The following ZNF618 variants were observed in gnomAD, a reference collection of about 807,000 sequenced individuals.
ZNF618 encodes zinc finger protein 618.
In ZNF618, 34 loss-of-function variants were observed where a neutral mutation model predicts 103.0. The ratio of observed to expected loss-of-function variants is 0.33; its 90% CI spans 0.25 to 0.44. The LOEUF (loss-of-function observed/expected upper bound fraction) is 0.44. ZNF618 is among the 20% of genes least tolerant of loss of function. The pLI is 1.00. For synonymous variants in ZNF618, 551 were observed against 542.2 expected (o/e 1.02, Z -0.23); for missense variants, 1,059 against 1,295.4 (o/e 0.82, Z 2.80).
At chr9:113,900,870 GCAAACC>G (rs1830472770) in intron 1 of ZNF618, among the ~76,000 whole-genome samples, 1 of 79,964 alleles carries the variant, frequency 1.3e-5, no homozygotes, top group African/African-American at 5.3e-5. Context: ...GTCCTCTCCC[GCAAACC>G]CGACCTCCTG....
intron 1 of ZNF618, among the ~76,000 whole-genome samples, chr9:113,941,731 T>A (rs186023225): frequency 1.3e-5 from 2 of 152,200 alleles, no homozygotes; most frequent in Admixed American, 6.5e-5. Flanking sequence ...TTCCTCTTTG[T>A]TTTTGGAGTT....
intron 1 of ZNF618, among the ~76,000 whole-genome samples, chr9:113,937,115 A>G (rs1287109564): frequency 6.6e-6 from 1 of 152,362 alleles, no homozygotes; most frequent in East Asian, 1.9e-4. Context: ...CTTAGAATTT[A>G]CATTTTCCTT....
intron 1 of ZNF618, among the ~76,000 whole-genome samples, chr9:113,889,573 A>G (rs1186090213): frequency 6.6e-6 from 1 of 152,238 alleles, no homozygotes; most frequent in Non-Finnish European, 1.5e-5. Context: ...TTCAGAGGGC[A>G]GGACATCAAC....
chr9:113,966,314 A>G (rs1444571082), intron 1 of ZNF618, among the ~76,000 whole-genome samples: 2 of 152,194 alleles, frequency 1.3e-5, no homozygotes, highest in African/African-American at 4.8e-5. Flanking sequence ...AGAGCTAGAA[A>G]ACGGCAAAAC....
At chr9:113,930,403 A>G (rs4979304) in intron 1 of ZNF618, among the ~76,000 whole-genome samples, 5,399 of 152,296 alleles carry the variant, frequency 0.035, 556 homozygotes, top group East Asian at 0.3. Flanking sequence ...TTAGTTGTAG[A>G]TATGCATTGA....
chr9:113,994,204 A>G (rs1840349108), intron 3 of ZNF618, among the ~76,000 whole-genome samples: 1 of 152,244 alleles, frequency 6.6e-6, no homozygotes, highest in Non-Finnish European at 1.5e-5. Flanking sequence ...TGGCGCTGGA[A>G]GGAGCAGCAG....
At chr9:114,007,510 C>A in intron 7 of ZNF618, 71 bp downstream of exon 7, 1 of 1,408,562 alleles carries the variant, frequency 7.1e-7, no homozygotes, top group Non-Finnish European at 9.8e-7. Flanking sequence ...AGCCCCCAGC[C>A]CTCCCCGCCT....
chr9:113,951,399 A>G (rs1835558852), intron 1 of ZNF618, among the ~76,000 whole-genome samples: 2 of 66,966 alleles, frequency 3.0e-5, no homozygotes, highest in Non-Finnish European at 3.3e-5. Flanking sequence ...TCCTATATAT[A>G]TACGTATATA....
chr9:113,886,311 G>GTGGAAAAT (rs1428947189), intron 1 of ZNF618, among the ~76,000 whole-genome samples: 4 of 152,152 alleles, frequency 2.6e-5, no homozygotes, highest in Non-Finnish European at 5.9e-5. Flanking sequence ...CAACATTTTT[G>GTGGAAAAT]TGGAAAATTG....
At chr9:113,955,884 G>A (rs748825251) in intron 1 of ZNF618, among the ~76,000 whole-genome samples, 2 of 152,044 alleles carry the variant, frequency 1.3e-5, no homozygotes, top group Non-Finnish European at 1.5e-5. Flanking sequence ...GTTTGCAAAT[G>A]AAAATGTGAC....
intron 1 of ZNF618, among the ~76,000 whole-genome samples, chr9:113,920,600 C>T (rs1832554303): frequency 6.6e-6 from 1 of 152,044 alleles, no homozygotes; most frequent in Admixed American, 6.6e-5. Flanking sequence ...CAGGGTTTCA[C>T]CATGTTGGCC....
intron 1 of ZNF618, among the ~76,000 whole-genome samples, chr9:113,943,104 C>G (rs1346714432): frequency 6.6e-6 from 1 of 152,166 alleles, no homozygotes; most frequent in Admixed American, 6.5e-5. Flanking sequence ...TTTCCAACAA[C>G]TCTTCACTCC....
At chr9:113,998,075 T>A (rs1438804504) in intron 3 of ZNF618, among the ~76,000 whole-genome samples, 184 bp from the exon 4 acceptor site, 1 of 152,274 alleles carries the variant, frequency 6.6e-6, no homozygotes, top group African/African-American at 2.4e-5. Context: ...TGCTGTATTC[T>A]GCCATGTGCC....
At chr9:113,900,751 G>A (rs34086505) in intron 1 of ZNF618, among the ~76,000 whole-genome samples, 1 of 79,804 alleles carries the variant, frequency 1.3e-5, no homozygotes, top group Non-Finnish European at 2.3e-5. Flanking sequence ...CCGTCCTCTC[G>A]CGCAAACCCG....
chr9:113,960,227 G>A (rs904302843), intron 1 of ZNF618, among the ~76,000 whole-genome samples: 19 of 152,080 alleles, frequency 1.2e-4, no homozygotes, highest in African/African-American at 3.9e-4. Context: ...TCCCCAAACC[G>A]CCATCATCTC....
At chr9:113,957,915 A>G (rs1202519538) in intron 1 of ZNF618, among the ~76,000 whole-genome samples, 1 of 151,652 alleles carries the variant, frequency 6.6e-6, no homozygotes, top group Non-Finnish European at 1.5e-5. Flanking sequence ...GTACCAGGAC[A>G]TGGTTTATGG....
At chr9:114,004,164 G>A (rs1054940346) in intron 6 of ZNF618, among the ~76,000 whole-genome samples, 2 of 152,224 alleles carry the variant, frequency 1.3e-5, no homozygotes, top group African/African-American at 2.4e-5. Context: ...GGTCCCAGTA[G>A]CATTTCTTCT....
At chr9:114,026,772 A>C (rs1355466300) in intron 10 of ZNF618, among the ~76,000 whole-genome samples, 1 of 152,176 alleles carries the variant, frequency 6.6e-6, no homozygotes, top group Admixed American at 6.5e-5. Context: ...AGAGCAGTTT[A>C]TCATTCAGGA....
chr9:113,955,517 T>A (rs1247214478), intron 1 of ZNF618, among the ~76,000 whole-genome samples: 1 of 152,130 alleles, frequency 6.6e-6, no homozygotes, highest in Non-Finnish European at 1.5e-5. Flanking sequence ...TGAAAAAAAT[T>A]CATGCAGTTG....
Sources: gnomAD v4.1 joint callset for allele counts (sites outside exome capture counted in the v4.1 genomes callset) on GRCh38, gnomAD v4.1.1 for gene constraint, MANE v1.5 for transcripts, NCBI Gene and HGNC (gene_info 2026-07-23, HGNC 2026-07-21) for gene names.